MECR: variants seen among roughly 807,000 people sequenced by gnomAD.
MECR encodes enoyl-[acyl-carrier-protein] reductase, mitochondrial.
A neutral mutation model predicts 49.1 loss-of-function variants in MECR; 37 were observed. The ratio of observed to expected loss-of-function variants is 0.75; its 90% CI spans 0.58 to 0.99. MECR has a LOEUF of 0.99. MECR is among the 50% of genes least tolerant of loss of function. The pLI is 0.00. For synonymous variants in MECR, 198 were observed against 191.1 expected (o/e 1.04, Z -0.30); for missense variants, 470 against 479.6 (o/e 0.98, Z 0.19).
At chr1:29,203,758 T>C (rs899219671) in intron 4 of MECR, among the ~76,000 whole-genome samples, 2 of 152,206 alleles carry the variant, frequency 1.3e-5, no homozygotes, top group African/African-American at 2.4e-5. Context: ...TCATTGTATA[T>C]AGGTCCATTT....
At chr1:29,196,787 T>C (rs574647886) in intron 7 of MECR, among the ~76,000 whole-genome samples, 88 of 152,188 alleles carry the variant, frequency 5.8e-4, no homozygotes, top group Non-Finnish European at 5.1e-4. Context: ...GAGGATTGCC[T>C]GAGCCCAGGA....
intron 3 of MECR, among the ~76,000 whole-genome samples, chr1:29,208,567 A>G (rs1338276596): frequency 6.6e-6 from 1 of 152,238 alleles, no homozygotes; most frequent in Non-Finnish European, 1.5e-5. Flanking sequence ...AAAGAATTCT[A>G]GAATGTCAGT....
the MECR span, among the ~76,000 whole-genome samples, chr1:29,175,173 G>A: frequency 6.6e-6 from 1 of 151,888 alleles, no homozygotes; most frequent in African/African-American, 2.4e-5. Flanking sequence ...TGTAATCCCA[G>A]CACTTTGTGA....
intron 7 of MECR, among the ~76,000 whole-genome samples, chr1:29,198,998 C>T (rs184447197): frequency 1.3e-5 from 2 of 152,142 alleles, no homozygotes; most frequent in Non-Finnish European, 2.9e-5. Flanking sequence ...GTAAGTCAAG[C>T]GCTGCACACA....
At chr1:29,210,806 T>A (rs1366952033) in intron 3 of MECR, among the ~76,000 whole-genome samples, 1 of 152,238 alleles carries the variant, frequency 6.6e-6, no homozygotes, top group East Asian at 1.9e-4. Flanking sequence ...AGTTTCCATT[T>A]CCCTAATCTG....
At chr1:29,227,229 C>T (rs889590131) in intron 1 of MECR, among the ~76,000 whole-genome samples, 1 of 152,168 alleles carries the variant, frequency 6.6e-6, no homozygotes, top group African/African-American at 2.4e-5. Context: ...TCCCAAAGTG[C>T]TGGGATTACA....
chr1:29,219,437 C>G (rs548076702), intron 1 of MECR, among the ~76,000 whole-genome samples: 1 of 152,206 alleles, frequency 6.6e-6, no homozygotes, highest in Non-Finnish European at 1.5e-5. Flanking sequence ...AGGAATTCAA[C>G]TCACCCTTCA....
chr1:29,192,627 G>A (rs535333884), downstream of MECR, among the ~76,000 whole-genome samples: 1 of 152,322 alleles, frequency 6.6e-6, no homozygotes, highest in South Asian at 2.1e-4. Flanking sequence ...GCAGGGTACA[G>A]AGGGCCAGGT....
chr1:29,168,862 C>T, the MECR span: 1 of 151,940 alleles, frequency 6.6e-6, no homozygotes, highest in African/African-American at 2.4e-5. Flanking sequence ...GTGACTTGAA[C>T]CAAAAAATAT....
chr1:29,203,067 G>C, intron 5 of MECR, 64 bp downstream of exon 5: 2 of 1,356,400 alleles, frequency 1.5e-6, no homozygotes, highest in Non-Finnish European at 2.0e-6. Flanking sequence ...ACTGGGCACC[G>C]CAGGGATGGG....
chr1:29,182,276 C>T, the MECR span, among the ~76,000 whole-genome samples: 3 of 152,164 alleles, frequency 2.0e-5, no homozygotes, highest in African/African-American at 7.2e-5. Context: ...TGACCTTGGG[C>T]TTGTTACGCG....
intron 1 of MECR, chr1:29,224,769 T>C (rs544202958): frequency 8.5e-5 from 13 of 152,308 alleles, no homozygotes; most frequent in Non-Finnish European, 1.8e-4. Context: ...CTCACTGCCA[T>C]AATTAGTGGC....
chr1:29,226,550 G>A (rs113613890), intron 1 of MECR, among the ~76,000 whole-genome samples: 8 of 152,222 alleles, frequency 5.3e-5, no homozygotes, highest in African/African-American at 1.9e-4. Context: ...TGGGCAACAT[G>A]GTGAAACCCC....
intron 7 of MECR, among the ~76,000 whole-genome samples, chr1:29,199,930 A>T (rs912841996): frequency 8.2e-5 from 12 of 146,152 alleles, no homozygotes; most frequent in East Asian, 2.0e-4. Context: ...AAAAAAATTA[A>T]TTTTTTTTTT....
the MECR span, among the ~76,000 whole-genome samples, chr1:29,175,358 G>A: frequency 6.6e-6 from 1 of 150,874 alleles, no homozygotes; most frequent in African/African-American, 2.4e-5. Context: ...CCACGATTGT[G>A]CCACTGCATT....
intron 5 of MECR, 60 bp from the exon 6 acceptor site, chr1:29,202,105 AGGACCTCTCT>A (rs1675466591): frequency 2.1e-6 from 3 of 1,408,392 alleles, no homozygotes; most frequent in Non-Finnish European, 3.0e-6. Flanking sequence ...AAAGCCCCCC[AGGACCTCTCT>A]GCCACAGCTG....
chr1:29,183,577 T>C, the MECR span, among the ~76,000 whole-genome samples: 1 of 152,222 alleles, frequency 6.6e-6, no homozygotes, highest in Admixed American at 6.5e-5. Flanking sequence ...CCAAGTGGTT[T>C]AATTTGCAAA....
chr1:29,168,607 C>T, the MECR span: 1 of 152,062 alleles, frequency 6.6e-6, no homozygotes. Flanking sequence ...CTGGTCCTTC[C>T]GAAAACATGT....
At chr1:29,182,185 T>C in the MECR span, among the ~76,000 whole-genome samples, 1 of 152,224 alleles carries the variant, frequency 6.6e-6, no homozygotes, top group Non-Finnish European at 1.5e-5. Flanking sequence ...TTTGTGCTTT[T>C]GTCCTTTGAA....
Sources: gnomAD v4.1 joint callset for allele counts (sites outside exome capture counted in the v4.1 genomes callset) on GRCh38, gnomAD v4.1.1 for gene constraint, MANE v1.5 for transcripts, NCBI Gene and HGNC (gene_info 2026-07-23, HGNC 2026-07-21) for gene names.